Variants in CAMK2A observed in about 807,000 individuals in gnomAD.
CAMK2A encodes the protein calcium/calmodulin dependent protein kinase II alpha.
CAMK2A carries 7 observed loss-of-function variants against 79.2 expected under a neutral mutation model. The observed-to-expected ratio is 0.09, with a 90% CI of 0.05 to 0.17. CAMK2A has a LOEUF of 0.17. Among genes scored for constraint, CAMK2A ranks in the 10% least tolerant of loss-of-function variants. The pLI is 1.00. For missense variants in CAMK2A, 214 were observed against 646.4 expected, an observed-to-expected ratio of 0.33 and a Z score of 7.25; for synonymous variants, 242 against 251.7, an observed-to-expected ratio of 0.96 and a Z score of 0.36.
At chr5:150,244,592 G>A (rs1755479949) in intron 13 of CAMK2A, among the ~76,000 whole-genome samples, 1 of 152,246 alleles carries the variant, frequency 6.6e-6, no homozygotes, top group Non-Finnish European at 1.5e-5. Context: ...TCGGGCTCTA[G>A]GGGTGGGACA....
At chr5:150,263,778 GT>G (rs1277835802) in intron 3 of CAMK2A, among the ~76,000 whole-genome samples, 1 of 152,208 alleles carries the variant, frequency 6.6e-6, no homozygotes, top group Admixed American at 6.5e-5. Context: ...CAGCTGGGGG[GT>G]TGGGGGCCCA....
At chr5:150,248,459 A>G (rs531484120) in intron 11 of CAMK2A, among the ~76,000 whole-genome samples, 48 of 148,862 alleles carry the variant, frequency 3.2e-4, no homozygotes, top group East Asian at 1.8e-3. Flanking sequence ...TACATTAGGT[A>G]TATCTCCTAA....
chr5:150,266,431 T>C (rs535510718), intron 2 of CAMK2A, among the ~76,000 whole-genome samples: 14 of 152,306 alleles, frequency 9.2e-5, no homozygotes, highest in Admixed American at 9.1e-4. Context: ...ATTTGGTAGT[T>C]AACGCCTTAA....
intron 1 of CAMK2A, among the ~76,000 whole-genome samples, chr5:150,285,727 G>C (rs1757396693): frequency 6.6e-6 from 1 of 152,138 alleles, no homozygotes; most frequent in Non-Finnish European, 1.5e-5. Flanking sequence ...TGTTTCTAGA[G>C]AGAAAAGAGT....
intron 11 of CAMK2A, among the ~76,000 whole-genome samples, chr5:150,248,660 G>T (rs1029396344): frequency 6.6e-6 from 1 of 152,000 alleles, no homozygotes; most frequent in Non-Finnish European, 1.5e-5. Flanking sequence ...ACAAAGGACA[G>T]GAACTCATCA....
At chr5:150,263,822 G>A (rs182519937) in intron 3 of CAMK2A, among the ~76,000 whole-genome samples, 39 of 152,336 alleles carry the variant, frequency 2.6e-4, no homozygotes, top group Non-Finnish European at 4.9e-4. Context: ...GCCACATGGT[G>A]AGGACATTAG....
intron 14 of CAMK2A, 26 bp downstream of exon 14, chr5:150,239,678 G>A (rs746463587): frequency 3.7e-6 from 6 of 1,611,624 alleles, no homozygotes; most frequent in East Asian, 4.5e-5. Flanking sequence ...AGCATTTACC[G>A]GCGTTAGGAG....
At chr5:150,251,611 G>T in intron 9 of CAMK2A, 139 bp downstream of exon 9, 1 of 569,770 alleles carries the variant, frequency 1.8e-6, no homozygotes, top group Non-Finnish European at 3.0e-6. Flanking sequence ...GGCACAGCAT[G>T]GTAACCACCT....
At chr5:150,231,000 T>G (rs1459052225) in intron 16 of CAMK2A, among the ~76,000 whole-genome samples, 1 of 152,204 alleles carries the variant, frequency 6.6e-6, no homozygotes, top group Non-Finnish European at 1.5e-5. Context: ...GCTGTGATAC[T>G]GTCCACCCCC....
chr5:150,233,605 T>C (rs1028650292), intron 15 of CAMK2A, among the ~76,000 whole-genome samples: 2 of 152,076 alleles, frequency 1.3e-5, no homozygotes, highest in African/African-American at 4.8e-5. Flanking sequence ...AATGAGTGAA[T>C]GGGACCAAAC....
intron 15 of CAMK2A, among the ~76,000 whole-genome samples, chr5:150,232,295 G>A (rs1225583924): frequency 2.0e-5 from 3 of 152,278 alleles, no homozygotes; most frequent in Non-Finnish European, 2.9e-5. Context: ...GTTGTTATGA[G>A]GGTGGGGTGA....
chr5:150,229,372 G>T (rs1019458394), intron 16 of CAMK2A, among the ~76,000 whole-genome samples: 1 of 152,184 alleles, frequency 6.6e-6, no homozygotes, highest in Non-Finnish European at 1.5e-5. Flanking sequence ...GTCTGGACAT[G>T]TGGGAGACTG....
At position 150,250,739 on chromosome 5, in the gene CAMK2A, G is replaced by A. The variant is rs1755796430; in HGVS notation, c.765C>T (p.Asn255=). Residue 255 remains asparagine, a synonymous_variant, in exon 10 of 19, where the codon AAC becomes AAT. Coordinates refer to ENST00000671881, the MANE Select transcript of CAMK2A (RefSeq NM_015981.4). ...CGGCAGCTGTGATGCGTTTGGATGG[G>A]TTAATGGTCAGCATCTTATTGATCA... ...KDLINKMLTI[N]PSKRITAAEA... is the part of the protein sequence containing the mutation. The A allele has an allele frequency of 4.3e-6, 7 of 1,614,054 alleles. No individual in the cohort carries two copies. In the Admixed American group the frequency reaches 6.7e-5, roughly 15 times the overall value.
At chr5:150,226,026 G>A (rs1486213467) in intron 17 of CAMK2A, among the ~76,000 whole-genome samples, 4 of 152,172 alleles carry the variant, frequency 2.6e-5, no homozygotes, top group South Asian at 2.1e-4. Flanking sequence ...GATTACAGGC[G>A]TGAGCCACCG....
intron 9 of CAMK2A, 46 bp from the exon 10 acceptor site, chr5:150,250,856 A>G: frequency 3.1e-6 from 5 of 1,600,958 alleles, no homozygotes; most frequent in Non-Finnish European, 4.3e-6. Flanking sequence ...GCCCCAGGCC[A>G]CCCCTGCGAT....
intron 15 of CAMK2A, 57 bp from the exon 16 acceptor site, chr5:150,231,437 T>C: frequency 1.1e-5 from 8 of 716,594 alleles, no homozygotes; most frequent in Non-Finnish European, 1.4e-5. Flanking sequence ...ATAATAATAA[T>C]AATAATAGTG....
chr5:150,236,068 G>A (rs904564356), intron 15 of CAMK2A, among the ~76,000 whole-genome samples: 1 of 152,064 alleles, frequency 6.6e-6, no homozygotes, highest in African/African-American at 2.4e-5. Context: ...TTTCCCTCTG[G>A]AAAGGGGGAA....
At chr5:150,260,863 C>T in intron 3 of CAMK2A, among the ~76,000 whole-genome samples, 1 of 152,224 alleles carries the variant, frequency 6.6e-6, no homozygotes. Context: ...TGCCTTCCTC[C>T]ACGTGGTCTC....
At chr5:150,272,828 C>T (rs534612616) in intron 2 of CAMK2A, among the ~76,000 whole-genome samples, 22 of 151,944 alleles carry the variant, frequency 1.4e-4, no homozygotes, top group African/African-American at 3.6e-4. Context: ...AGCCCTCACC[C>T]GTGAGGCACA....
Sources: gnomAD v4.1 joint callset for allele counts (sites outside exome capture counted in the v4.1 genomes callset) on GRCh38, gnomAD v4.1.1 for gene constraint, MANE v1.5 for transcripts, NCBI Gene and HGNC (gene_info 2026-07-23, HGNC 2026-07-21) for gene names.